The following MACROD2 variants were observed in gnomAD, a reference collection of about 807,000 sequenced individuals.
MACROD2 encodes ADP-ribose glycohydrolase MACROD2.
Under a neutral mutation model 70.4 loss-of-function variants are expected in MACROD2, and 36 were observed. The observed-to-expected ratio is 0.51, with a 90% CI of 0.39 to 0.68. The LOEUF is 0.68. Among genes scored for constraint, MACROD2 ranks in the 30% least tolerant of loss-of-function variants. The pLI, the probability that MACROD2 is intolerant of heterozygous loss-of-function variation, is 0.00. For synonymous variants in MACROD2, 172 were observed against 178.8 expected (o/e 0.96, Z 0.30); for missense variants, 496 against 538.4 (o/e 0.92, Z 0.78).
chr20:14,308,258 A>G lies in MACROD2; in HGVS notation c.272-185221A>G, dbSNP rs561631362. ...AAACAGCTCTCAGTTTGAGAACCTCAGAAAGATCTGTCATTAGGTATGGCT... is the reference window on the plus strand; with the variant it reads ...AAACAGCTCTCAGTTTGAGAACCTCGGAAAGATCTGTCATTAGGTATGGCT... On this transcript the variant is annotated intron_variant, in intron 3 of 17. Transcript: ENST00000684519. 8.5e-5 allele frequency among the ~76,000 whole-genome samples: 13 copies of G among 152,292 alleles called. No homozygotes were observed. The East Asian group carries it at 2.5e-3, about 29-fold the overall frequency.
At chr20:15,051,018 T>A (rs562999908) in intron 5 of MACROD2, among the ~76,000 whole-genome samples, 10 of 152,314 alleles carry the variant, frequency 6.6e-5, no homozygotes, top group African/African-American at 1.9e-4. Context: ...TTCATTTTTT[T>A]AATAAGTCTG....
intron 3 of MACROD2, among the ~76,000 whole-genome samples, chr20:14,182,885 G>A (rs2081315976): frequency 6.6e-6 from 1 of 151,510 alleles, no homozygotes; most frequent in Non-Finnish European, 1.5e-5. Flanking sequence ...CATTCACACT[G>A]CAGAGTGTTC....
chr20:14,780,945 A>T (rs1161860118), intron 5 of MACROD2, among the ~76,000 whole-genome samples: 1 of 152,152 alleles, frequency 6.6e-6, no homozygotes, highest in Non-Finnish European at 1.5e-5. Flanking sequence ...AATTTTATTT[A>T]AGGGGCATAC....
At chr20:15,250,525 A>C (rs1473937384) in intron 6 of MACROD2, among the ~76,000 whole-genome samples, 1 of 152,254 alleles carries the variant, frequency 6.6e-6, no homozygotes, top group Non-Finnish European at 1.5e-5. Flanking sequence ...TGAACATATA[A>C]GTCAAAGGAT....
chr20:15,368,169 G>A (rs924676296), intron 6 of MACROD2, among the ~76,000 whole-genome samples: 3 of 152,092 alleles, frequency 2.0e-5, no homozygotes, highest in Non-Finnish European at 4.4e-5. Flanking sequence ...GTGGTTGCTG[G>A]ACCATCAGAA....
At chr20:14,083,085 T>C (rs1461613042) in intron 2 of MACROD2, among the ~76,000 whole-genome samples, 1 of 149,584 alleles carries the variant, frequency 6.7e-6, no homozygotes, top group African/African-American at 2.5e-5. Flanking sequence ...CCATGAATGC[T>C]GAATATGGAT....
At chr20:14,462,468 C>T (rs2084384011) in intron 3 of MACROD2, among the ~76,000 whole-genome samples, 1 of 151,912 alleles carries the variant, frequency 6.6e-6, no homozygotes, top group African/African-American at 2.4e-5. Context: ...CAAAAATTTT[C>T]TCCCATTCTG....
intron 3 of MACROD2, among the ~76,000 whole-genome samples, chr20:14,273,663 A>T (rs1414249336): frequency 1.3e-4 from 20 of 151,626 alleles, no homozygotes; most frequent in African/African-American, 4.8e-4. Context: ...ACTGAAGGAA[A>T]TAGAGACACA....
chr20:15,266,186 A>T (rs1393574566), intron 6 of MACROD2, among the ~76,000 whole-genome samples: 1 of 152,238 alleles, frequency 6.6e-6, no homozygotes, highest in East Asian at 1.9e-4. Context: ...TTCATAAGCC[A>T]CAATTGCAAA....
chr20:14,613,055 C>T (rs912660080), intron 4 of MACROD2, among the ~76,000 whole-genome samples: 1 of 151,924 alleles, frequency 6.6e-6, no homozygotes, highest in Non-Finnish European at 1.5e-5. Context: ...TTTTATAAGT[C>T]GCATTAGAGA....
intron 6 of MACROD2, among the ~76,000 whole-genome samples, chr20:15,423,359 C>CA (rs1321848804): frequency 6.6e-6 from 1 of 152,196 alleles, no homozygotes; most frequent in Non-Finnish European, 1.5e-5. Context: ...ACCTAAATGT[C>CA]ACGTCCATTA....
chr20:15,194,569 A>G (rs1330901607), intron 5 of MACROD2, among the ~76,000 whole-genome samples: 1 of 152,136 alleles, frequency 6.6e-6, no homozygotes, highest in East Asian at 1.9e-4. Flanking sequence ...CCATAACATC[A>G]ATAATATGTA....
At chr20:15,366,889 G>A (rs2045417581) in intron 6 of MACROD2, among the ~76,000 whole-genome samples, 1 of 151,906 alleles carries the variant, frequency 6.6e-6, no homozygotes, top group East Asian at 1.9e-4. Flanking sequence ...TTATGTAAAT[G>A]CCTCCCATGT....
chr20:14,230,155 T>G (rs2081788087), intron 3 of MACROD2, among the ~76,000 whole-genome samples: 1 of 152,206 alleles, frequency 6.6e-6, no homozygotes, highest in African/African-American at 2.4e-5. Flanking sequence ...TTGCTGAAGG[T>G]TAGGGTGGCT....
At chr20:15,246,946 C>T (rs1320801652) in intron 6 of MACROD2, among the ~76,000 whole-genome samples, 2 of 152,108 alleles carry the variant, frequency 1.3e-5, no homozygotes, top group Non-Finnish European at 2.9e-5. Context: ...CTGAAATAAA[C>T]CAGTCACAAG....
intron 5 of MACROD2, among the ~76,000 whole-genome samples, chr20:14,858,892 A>G (rs1013073792): frequency 6.6e-5 from 10 of 152,134 alleles, no homozygotes; most frequent in African/African-American, 2.2e-4. Flanking sequence ...GAGTAAAGTG[A>G]AAGTTTTGAT....
intron 5 of MACROD2, among the ~76,000 whole-genome samples, chr20:14,776,741 A>G (rs569221800): frequency 6.6e-6 from 1 of 152,236 alleles, no homozygotes; most frequent in South Asian, 2.1e-4. Flanking sequence ...ATGTGCAAGT[A>G]TCAGTTATAC....
chr20:15,127,717 A>G (rs781630623), intron 5 of MACROD2, among the ~76,000 whole-genome samples: 1 of 152,102 alleles, frequency 6.6e-6, no homozygotes, highest in Non-Finnish European at 1.5e-5. Context: ...GCACACAACC[A>G]ATATGGCAGC....
chr20:15,377,670 C>G (rs1232547553), intron 6 of MACROD2, among the ~76,000 whole-genome samples: 1 of 152,194 alleles, frequency 6.6e-6, no homozygotes, highest in Non-Finnish European at 1.5e-5. Flanking sequence ...GAAAGAAGCT[C>G]TCTGATTACT....
Sources: allele counts gnomAD v4.1 joint callset (sites outside exome capture counted in the v4.1 genomes callset), GRCh38; gene constraint gnomAD v4.1.1; transcripts MANE v1.5; gene names NCBI Gene and HGNC (gene_info 2026-07-23, HGNC 2026-07-21).